RGS22: variants seen among roughly 807,000 people sequenced by gnomAD.
RGS22 encodes regulator of G-protein signaling 22.
In RGS22, 148 loss-of-function variants were observed where a neutral mutation model predicts 172.9. The observed-to-expected ratio is 0.86, with a 90% CI of 0.75 to 0.98. The LOEUF (loss-of-function observed/expected upper bound fraction) is 0.98, where lower values mean the gene tolerates loss of function less well. Among genes scored for constraint, RGS22 ranks in the 50% least tolerant of loss-of-function variants. The pLI, the probability that RGS22 is intolerant of heterozygous loss-of-function variation, is 0.00. For synonymous variants in RGS22, 458 were observed against 480.2 expected (o/e 0.95, Z 0.60); for missense variants, 1,347 against 1,440.8 (o/e 0.93, Z 1.05).
At chr8:100,085,705 T>C (rs1331607681) in intron 3 of RGS22, among the ~76,000 whole-genome samples, 1 of 152,206 alleles carries the variant, frequency 6.6e-6, no homozygotes, top group Non-Finnish European at 1.5e-5. Flanking sequence ...TATGACAACA[T>C]ACTGTAAGAG....
Position 100,063,415 on chromosome 8 carries a change from C to A in RGS22, c.1352+1G>T, listed in dbSNP as rs555062831. On this transcript the variant is annotated splice_donor_variant, in intron 8 of 27. Transcript: ENST00000360863. LOFTEE classifies it high-confidence loss of function. ...ATTGAAAAATAAAAAAATAGAATTA[C>A]CTTTGATGTCTTCCAGGATCCTTAA... 1.3e-6 allele frequency: 2 copies of A among 1,531,406 alleles called. No homozygotes were observed. The highest frequency in any genetic ancestry group is 2.2e-5 in the Admixed American group (1 of 46,308). The allele number at this position is 1,531,406 out of a possible 1,614,324, so 94.9% of individuals were successfully genotyped here.
intron 10 of RGS22, among the ~76,000 whole-genome samples, chr8:100,049,230 C>T (rs1016046793): frequency 6.6e-6 from 1 of 152,104 alleles, no homozygotes. Context: ...ATGGTGGATA[C>T]ACAATGTATA....
chr8:100,073,326 C>T (rs1361694732), intron 4 of RGS22, among the ~76,000 whole-genome samples: 1 of 151,762 alleles, frequency 6.6e-6, no homozygotes, highest in Non-Finnish European at 1.5e-5. Context: ...TGCTGATGCT[C>T]ATGAGGGTGA....
At chr8:100,025,799 G>A (rs944592150) in intron 14 of RGS22, among the ~76,000 whole-genome samples, 30 of 152,056 alleles carry the variant, frequency 2.0e-4, no homozygotes, top group African/African-American at 7.2e-4. Context: ...GGTCCTGGGT[G>A]TTACCTCAGA....
At chr8:100,057,270 G>T (rs954346107) in intron 9 of RGS22, among the ~76,000 whole-genome samples, 3 of 152,170 alleles carry the variant, frequency 2.0e-5, no homozygotes, top group South Asian at 2.1e-4. Flanking sequence ...GATTTTACAG[G>T]CTCATAGGCA....
At chr8:99,962,573 T>C in intron 26 of RGS22, 114 bp downstream of exon 26, 1 of 1,376,220 alleles carries the variant, frequency 7.3e-7, no homozygotes, top group South Asian at 1.3e-5. Flanking sequence ...CAGAATAGGG[T>C]GGAGGGGTCG....
intron 14 of RGS22, among the ~76,000 whole-genome samples, chr8:100,038,327 C>G (rs1299438241): frequency 1.0e-5 from 1 of 95,608 alleles, no homozygotes; most frequent in Non-Finnish European, 2.1e-5. Flanking sequence ...CTGTTCTTCC[C>G]CCTCTATTTT....
chr8:99,998,333 A>C (rs753082548), intron 19 of RGS22, among the ~76,000 whole-genome samples: 1 of 152,216 alleles, frequency 6.6e-6, no homozygotes, highest in Admixed American at 6.5e-5. Flanking sequence ...ACTATGACCA[A>C]CTCAATTTTT....
chr8:99,994,469 AACAG>A, intron 20 of RGS22, among the ~76,000 whole-genome samples: 1 of 152,322 alleles, frequency 6.6e-6, no homozygotes, highest in South Asian at 2.1e-4. Context: ...ATGCAATATT[AACAG>A]ACAAACAGAG....
intron 6 of RGS22, among the ~76,000 whole-genome samples, chr8:100,069,266 C>A (rs1810770460): frequency 6.6e-6 from 1 of 152,202 alleles, no homozygotes; most frequent in African/African-American, 2.4e-5. Context: ...TGTAAAGAAT[C>A]TGGAGCCAAA....
intron 2 of RGS22, among the ~76,000 whole-genome samples, chr8:100,101,767 T>C (rs1473840816): frequency 6.6e-6 from 1 of 151,578 alleles, no homozygotes; most frequent in Non-Finnish European, 1.5e-5. Context: ...CATGTTGAGG[T>C]TCAAATATTA....
chr8:100,040,543 C>A (rs1312900018), intron 12 of RGS22, among the ~76,000 whole-genome samples: 1 of 151,970 alleles, frequency 6.6e-6, no homozygotes, highest in Non-Finnish European at 1.5e-5. Flanking sequence ...TTAGGGGGTC[C>A]CTCTTGGACA....
At chr8:100,048,588 T>C (rs1820969927) in intron 10 of RGS22, among the ~76,000 whole-genome samples, 2 of 152,122 alleles carry the variant, frequency 1.3e-5, no homozygotes, top group African/African-American at 2.4e-5. Flanking sequence ...CTCTATGTAA[T>C]AACTACTAAT....
intron 3 of RGS22, among the ~76,000 whole-genome samples, chr8:100,084,489 A>G (rs183997934): frequency 2.0e-5 from 3 of 152,224 alleles, no homozygotes; most frequent in Non-Finnish European, 4.4e-5. Flanking sequence ...ATGGCATGCA[A>G]TGTTTCTATT....
chr8:100,070,377 TA>T (rs1463585679), intron 6 of RGS22, among the ~76,000 whole-genome samples: 2 of 152,122 alleles, frequency 1.3e-5, no homozygotes, highest in Admixed American at 1.3e-4. Context: ...GTATGAAAAA[TA>T]TAACGAAAAA....
intron 9 of RGS22, among the ~76,000 whole-genome samples, chr8:100,053,895 A>G (rs1400096514): frequency 6.6e-6 from 1 of 152,126 alleles, no homozygotes; most frequent in Admixed American, 6.5e-5. Context: ...CAGCCTCCCA[A>G]AGTGCTGGGA....
intron 4 of RGS22, among the ~76,000 whole-genome samples, chr8:100,076,502 G>GT (rs537339050): frequency 7.9e-5 from 12 of 151,998 alleles, no homozygotes; most frequent in Non-Finnish European, 1.8e-4. Flanking sequence ...GATTTCTTTT[G>GT]TTTTTTGTAT....
chr8:99,965,552 G>T, intron 23 of RGS22, 122 bp from the exon 24 acceptor site: 3 of 606,944 alleles, frequency 4.9e-6, no homozygotes, highest in Non-Finnish European at 8.4e-6. Context: ...TGCACTTAAG[G>T]TTTCATCAAG....
chr8:100,054,609 A>T (rs1002870309), intron 9 of RGS22, among the ~76,000 whole-genome samples: 1 of 152,186 alleles, frequency 6.6e-6, no homozygotes, highest in Admixed American at 6.5e-5. Context: ...AATTTAAAAA[A>T]TTTTAAAAAT....
Sources: gnomAD v4.1 joint callset for allele counts (sites outside exome capture counted in the v4.1 genomes callset) on GRCh38, gnomAD v4.1.1 for gene constraint, MANE v1.5 for transcripts, NCBI Gene and HGNC (gene_info 2026-07-23, HGNC 2026-07-21) for gene names.